FBLN1: variants seen among roughly 807,000 people sequenced by gnomAD.
FBLN1 encodes the protein fibulin 1.
FBLN1 carries 34 observed loss-of-function variants against 89.7 expected under a neutral mutation model. That is an observed-to-expected ratio of 0.38 (90% CI 0.29 to 0.50). The LOEUF is 0.50. Ranked by LOEUF, FBLN1 falls within the 20% of genes least tolerant of loss-of-function variation. The pLI is 0.92. For missense variants in FBLN1, 777 were observed against 988.1 expected, an observed-to-expected ratio of 0.79 and a Z score of 2.86; for synonymous variants, 393 against 391.3, an observed-to-expected ratio of 1.00 and a Z score of -0.05.
chr22:45,548,389 C>T lies in FBLN1; in HGVS notation c.1442-224C>T, dbSNP rs114963567. 0.015 allele frequency among the ~76,000 whole-genome samples: 2,325 copies of T among 152,296 alleles called. 59 individuals are homozygous for T. The highest frequency in any genetic ancestry group is 0.052 in the African/African-American group (2,165 of 41,554). ...TTATTGAACTGTGGTCCATATTTCC[C>T]CCTGCCCGCCACATGCATACTTCAC... On this transcript the variant is annotated intron_variant, in intron 12 of 16. Transcript: ENST00000327858.
intron 12 of FBLN1, 113 bp downstream of exon 12, chr22:45,547,317 C>G: frequency 7.0e-7 from 1 of 1,428,686 alleles, no homozygotes; most frequent in East Asian, 2.4e-5. Context: ...GGGATTTCTT[C>G]ACCTGACAAA....
intron 4 of FBLN1, among the ~76,000 whole-genome samples, chr22:45,529,326 C>T (rs2088372491): frequency 6.6e-6 from 1 of 152,250 alleles, no homozygotes; most frequent in Non-Finnish European, 1.5e-5. Context: ...AGAGCAGCTT[C>T]AAGAGCGCTC....
intron 14 of FBLN1, among the ~76,000 whole-genome samples, chr22:45,553,792 C>T (rs985767903): frequency 6.6e-6 from 1 of 152,108 alleles, no homozygotes; most frequent in Admixed American, 6.5e-5. Context: ...TGTGTGATGA[C>T]GGCGGGAGCT....
intron 1 of FBLN1, among the ~76,000 whole-genome samples, chr22:45,510,636 C>T (rs2088086628): frequency 6.6e-6 from 1 of 152,118 alleles, no homozygotes; most frequent in South Asian, 2.1e-4. Context: ...AGCAGGCTGA[C>T]ATTCTGGAAG....
Position 45,577,054 on chromosome 22 carries a change from A to G in FBLN1, c.1918A>G (p.Asn640Asp), listed in dbSNP as rs2089003459. 4 of 1,614,074 alleles carry G rather than the reference A, an allele frequency of 2.5e-6. No individual in the cohort carries two copies. The East Asian group carries it at 6.7e-5, about 27-fold the overall frequency. The part of the protein sequence containing the change: ...ANIIFDITEG[N>D]LRDSFDIIKR... ...CATCATCTTCGACATCACGGAAGGGAACCTGCGGGACTCTTTTGACATCAT... is the reference window on the plus strand; with the variant it reads ...CATCATCTTCGACATCACGGAAGGGGACCTGCGGGACTCTTTTGACATCAT... The change falls in exon 16 of 17, where the codon AAC becomes GAC. Residue 640 changes from asparagine (N) to aspartate (D), a missense_variant. Transcript: ENST00000327858. The surrounding 1 kb of genome is among the most constrained non-coding windows in gnomAD (Gnocchi z 6.6).
rs918153758 is a variant in FBLN1 at position 45,597,555 on chromosome 22, G to A, written c.1973-2752G>A. Among the ~76,000 whole-genome samples, 42 of 152,314 alleles carry A rather than the reference G, an allele frequency of 2.8e-4. No homozygotes were observed. Among genetic ancestry groups the A allele is most frequent in the African/African-American group, 1.0e-3 (42 of 41,576 alleles). On this transcript the variant is annotated intron_variant, in intron 16 of 16. Coordinates refer to ENST00000327858, the MANE Select transcript of FBLN1 (RefSeq NM_006486.3). This position sits in a 1 kb window ranked among gnomAD's most constrained non-coding sequence, Gnocchi z 4.2. Reference sequence around the variant, plus strand: ...ACAGGGGGCCCACGGGGGTACGTTAGGTTCAGCCCTGTAAGCCCACACTGA... The same window carrying A: ...ACAGGGGGCCCACGGGGGTACGTTAAGTTCAGCCCTGTAAGCCCACACTGA...
intron 14 of FBLN1, among the ~76,000 whole-genome samples, chr22:45,554,881 C>A (rs1404693952): frequency 6.6e-6 from 1 of 152,212 alleles, no homozygotes; most frequent in Non-Finnish European, 1.5e-5. Context: ...TTGTTACTAT[C>A]CTGTAGCGGA....
chr22:45,518,702 G>C lies in FBLN1; in HGVS notation c.100G>C (p.Glu34Gln). ...AAGVDADVLL[E>Q]ACCADGHRMA... ...CACAGTGGACGCGGATGTCCTCCTG[G>C]AGGCCTGCTGTGCGGACGGACACCG... is the stretch of plus-strand genomic sequence containing the variant. The change falls in exon 2 of 17, where the codon GAG becomes CAG. Residue 34 changes from glutamate (E) to glutamine (Q), a missense_variant. By Grantham distance (29) the Glu-to-Gln change is conservative. Coordinates refer to ENST00000327858, the MANE Select transcript of FBLN1 (RefSeq NM_006486.3). 1 of 1,609,622 alleles carries C rather than the reference G, an allele frequency of 6.2e-7. No homozygotes were observed. Among genetic ancestry groups the C allele is most frequent in the Non-Finnish European group, 8.5e-7 (1 of 1,178,154 alleles).
rs1488917341 is a variant in FBLN1 at position 45,581,161 on chromosome 22, G to A, written c.1972+4053G>A. 2.0e-5 allele frequency among the ~76,000 whole-genome samples: 3 copies of A among 152,140 alleles called. No homozygotes were observed. The highest frequency in any genetic ancestry group is 7.2e-5 in the African/African-American group (3 of 41,436). On this transcript the variant is annotated intron_variant, in intron 16 of 16. Coordinates refer to ENST00000327858, the MANE Select transcript of FBLN1 (RefSeq NM_006486.3). This position sits in a 1 kb window ranked among gnomAD's most constrained non-coding sequence, Gnocchi z 7.6. ...AATGGGGGAGCCCTGGCTGCAGCAG[G>A]GGCGGGCTGTGTATCATCAGCGTGC...
intron 11 of FBLN1, 40 bp downstream of exon 11, chr22:45,543,566 CCTT>C: frequency 6.2e-7 from 1 of 1,606,706 alleles, no homozygotes; most frequent in South Asian, 1.1e-5. Flanking sequence ...CCCCAGGTCA[CCTT>C]CCTCCTGGGG....
intron 14 of FBLN1, among the ~76,000 whole-genome samples, chr22:45,570,117 C>T (rs1019213704): frequency 9.9e-5 from 15 of 151,344 alleles, no homozygotes; most frequent in Non-Finnish European, 1.6e-4. Flanking sequence ...GTCAGGAGTT[C>T]GAGACCACCC....
chr22:45,513,306 C>G (rs2088125756), intron 1 of FBLN1, among the ~76,000 whole-genome samples: 1 of 121,226 alleles, frequency 8.2e-6, no homozygotes, highest in Non-Finnish European at 1.8e-5. Flanking sequence ...TTAACCATTT[C>G]CTTTTTTTTT....
intron 1 of FBLN1, among the ~76,000 whole-genome samples, chr22:45,508,301 G>A (rs528670357): frequency 1.7e-4 from 6 of 35,152 alleles, no homozygotes; most frequent in South Asian, 1.7e-3. Context: ...TTTTTGAGAC[G>A]GAGTCTTGCA....
rs2089123025 is a variant in FBLN1 at position 45,590,060 on chromosome 22, C to G, written c.1973-10247C>G. Among the ~76,000 whole-genome samples, 1 of 152,194 alleles carries G rather than the reference C, an allele frequency of 6.6e-6. No homozygotes were observed. ...CTGAGAGCCCCATGAAGAGCCAGACCAGGGCCAGGTGATGTTGGTAACCCC... is the reference window on the plus strand; with the variant it reads ...CTGAGAGCCCCATGAAGAGCCAGACGAGGGCCAGGTGATGTTGGTAACCCC... On this transcript the variant is annotated intron_variant, in intron 16 of 16. Transcript: ENST00000327858. The surrounding 1 kb of genome is among the most constrained non-coding windows in gnomAD (Gnocchi z 4.1).
chr22:45,504,718 T>A (rs538292203), intron 1 of FBLN1, among the ~76,000 whole-genome samples: 89 of 152,238 alleles, frequency 5.8e-4, no homozygotes, highest in African/African-American at 2.1e-3. Context: ...TCTCCCTATG[T>A]GTGTGTGACT....
At chr22:45,534,990 G>A (rs992222212) in intron 7 of FBLN1, among the ~76,000 whole-genome samples, 1 of 152,088 alleles carries the variant, frequency 6.6e-6, no homozygotes. Context: ...AAGAGCCTTG[G>A]GAAAAAAAGT....
rs892570596 is a variant in FBLN1, at chr22:45,597,900, A to T, written c.1973-2407A>T. Among the ~76,000 whole-genome samples, 11 of 152,110 alleles carry T rather than the reference A, an allele frequency of 7.2e-5. No individual in the cohort carries two copies. Among genetic ancestry groups the T allele is most frequent in the Non-Finnish European group, 1.5e-5 (1 of 68,000 alleles). On this transcript the variant is annotated intron_variant, in intron 16 of 16. Coordinates refer to ENST00000327858, the MANE Select transcript of FBLN1 (RefSeq NM_006486.3). The surrounding 1 kb of genome is among the most constrained non-coding windows in gnomAD (Gnocchi z 4.2). The stretch of plus-strand genomic sequence containing the variant: ...TAAGCCCAGAGAGCGAAAGGGGGGA[A>T]CGTTGTGCCCAGATTCTCTTTCTGA...
chr22:45,517,216 G>C, intron 1 of FBLN1: 1 of 252,110 alleles, frequency 4.0e-6, no homozygotes, highest in South Asian at 4.1e-5. Flanking sequence ...CCCTCTAGGG[G>C]CTGGAAAGCC....
intron 8 of FBLN1, 56 bp downstream of exon 8, chr22:45,535,393 G>C: frequency 6.2e-7 from 1 of 1,605,512 alleles, no homozygotes; most frequent in African/African-American, 1.3e-5. Flanking sequence ...CAGCGACCTA[G>C]CCTTGGGGCA....
Sources: gnomAD v4.1 joint callset for allele counts (sites outside exome capture counted in the v4.1 genomes callset) on GRCh38, gnomAD v4.1.1 for gene constraint, Gnocchi (gnomAD v3.1) non-coding constraint, MANE v1.5 for transcripts, NCBI Gene and HGNC (gene_info 2026-07-23, HGNC 2026-07-21) for gene names.